The following TES variants were observed in gnomAD, a reference collection of about 807,000 sequenced individuals.
TES encodes testin LIM domain protein.
TES carries 41 observed loss-of-function variants against 48.2 expected under a neutral mutation model. The observed-to-expected ratio is 0.85, with a 90% CI of 0.66 to 1.10. TES has a LOEUF of 1.10. Among genes scored for constraint, TES ranks in the 50% least tolerant of loss-of-function variants. TES has a pLI of 0.00. For missense variants in TES, 463 were observed against 515.1 expected, an observed-to-expected ratio of 0.90 and a Z score of 0.98; for synonymous variants, 162 against 174.9, an observed-to-expected ratio of 0.93 and a Z score of 0.58.
At chr7:116,216,588 G>A (rs1187560766) in intron 1 of TES, among the ~76,000 whole-genome samples, 1 of 152,048 alleles carries the variant, frequency 6.6e-6, no homozygotes, top group Non-Finnish European at 1.5e-5. Context: ...CACAAATGAA[G>A]AACATATATG....
rs552650554 is a variant in TES, at chr7:116,219,696, A to G, written c.27+8962A>G. Among the ~76,000 whole-genome samples, 3 of 152,256 alleles carry G rather than the reference A, an allele frequency of 2.0e-5. No individual in the cohort carries two copies. In the East Asian group the frequency reaches 5.8e-4, roughly 29 times the overall value. On this transcript the variant is annotated intron_variant, in intron 1 of 6. Coordinates refer to ENST00000358204, the MANE Select transcript of TES (RefSeq NM_015641.4). Reference sequence around the variant, plus strand: ...GGGCAGGGATATGATGTTGAATACTATTACGTGGGAATGAAGGATTGGGAC... The same window carrying G: ...GGGCAGGGATATGATGTTGAATACTGTTACGTGGGAATGAAGGATTGGGAC...
At chr7:116,255,835 T>C (rs1051294456) in intron 6 of TES, among the ~76,000 whole-genome samples, 1 of 152,220 alleles carries the variant, frequency 6.6e-6, no homozygotes, top group Non-Finnish European at 1.5e-5. Flanking sequence ...CACTACACTA[T>C]GTATACATGT....
chr7:116,240,721 T>C (rs1799835290), intron 2 of TES, among the ~76,000 whole-genome samples: 1 of 152,168 alleles, frequency 6.6e-6, no homozygotes, highest in Non-Finnish European at 1.5e-5. Context: ...TTTCTTAACA[T>C]CCTATGGAGA....
rs745410923 is a variant in TES at position 116,251,766 on chromosome 7, T to C, written c.709T>C (p.Tyr237His). The change falls in exon 5 of 7, where the codon TAT becomes CAT. Residue 237 changes from tyrosine (Y) to histidine (H), a missense_variant. Tyr to His is a moderately conservative substitution (Grantham distance 83). Transcript: ENST00000358204. ...TGGATGGCTTCCCTTTCAGTCCTGCTATTGCTGCAAACTGAGTATGAAAGA... is the reference window on the plus strand; with the variant it reads ...TGGATGGCTTCCCTTTCAGTCCTGCCATTGCTGCAAACTGAGTATGAAAGA... The part of the protein sequence containing the change: ...AEHKRTQYSC[Y>H]CCKLSMKEGD... 1.2e-6 allele frequency: 2 copies of C among 1,614,016 alleles called. No homozygotes were observed. Among genetic ancestry groups the C allele is most frequent in the Non-Finnish European group, 8.5e-7 (1 of 1,179,976 alleles).
At position 116,242,469 on chromosome 7, in the gene TES, A is replaced by G. The variant is rs144855277; in HGVS notation, c.114-6551A>G. 6.5e-3 allele frequency among the ~76,000 whole-genome samples: 981 copies of G among 152,064 alleles called. 15 individuals are homozygous for G. The highest frequency in any genetic ancestry group is 0.023 in the African/African-American group (949 of 41,522). The stretch of plus-strand genomic sequence containing the variant: ...TCTTACCAAATAAAGATTTCTGACT[A>G]GTGTGCACAAGGAAAGCAATTTGCC... On this transcript the variant is annotated intron_variant, in intron 2 of 6. Coordinates refer to ENST00000358204, the MANE Select transcript of TES (RefSeq NM_015641.4).
At chr7:116,248,943 T>C in intron 2 of TES, 77 bp from the exon 3 acceptor site, 2 of 1,419,270 alleles carry the variant, frequency 1.4e-6, no homozygotes, top group South Asian at 1.5e-5. Context: ...TAAAAGTATT[T>C]TATGAACTAT....
intron 1 of TES, among the ~76,000 whole-genome samples, chr7:116,213,028 G>T (rs890119688): frequency 6.6e-6 from 1 of 152,178 alleles, no homozygotes; most frequent in African/African-American, 2.4e-5. Flanking sequence ...ACTCCAATTT[G>T]TGAGTCCCTT....
chr7:116,227,291 A>AT lies in TES; in HGVS notation c.28-7231dup, dbSNP rs754550815. Among the ~76,000 whole-genome samples the AT allele has an allele frequency of 3.1e-3, 421 of 137,384 alleles. 1 individual carries two copies. Among genetic ancestry groups the AT allele is most frequent in the African/African-American group, 7.2e-3 (269 of 37,316 alleles). 90.1% of individuals were successfully genotyped at this position (137,384 alleles called of 152,430 possible). A position where few individuals can be genotyped will look rare whatever the true frequency, so the allele number is the denominator to read the frequency against. On this transcript the variant is annotated intron_variant, in intron 1 of 6. Transcript: ENST00000358204. ...ATCACCGCGCCCGGCTATTTTTTGT[A>AT]TTTTTTTTTTTTAGTAGAAACGGGG...
chr7:116,243,888 A>G (rs530118822), intron 2 of TES: 2 of 152,286 alleles, frequency 1.3e-5, no homozygotes, highest in African/African-American at 4.8e-5. Flanking sequence ...AATTGTGGCA[A>G]AAGAGGAAGC....
rs977965366 is a variant in TES at position 116,249,279 on chromosome 7, G to T, written c.366+7G>T. The T allele has an allele frequency of 3.1e-6, 5 of 1,613,790 alleles. No homozygotes were observed. The South Asian group carries it at 3.3e-5, about 11-fold the overall frequency. Reference sequence around the variant, plus strand: ...TGTCCAGAATCAAGCATTGGTAAATGATATGGAACAGAGAGTTTCTTTATT... The same window carrying T: ...TGTCCAGAATCAAGCATTGGTAAATTATATGGAACAGAGAGTTTCTTTATT... On this transcript the variant is annotated splice_region_variant and intron_variant, in intron 3 of 6. Transcript: ENST00000358204.
intron 2 of TES, chr7:116,238,343 A>G (rs924719022): frequency 1.3e-5 from 2 of 152,194 alleles, no homozygotes; most frequent in Non-Finnish European, 2.9e-5. Flanking sequence ...CTAAAAATTA[A>G]TTATTAGGAA....
At chr7:116,246,287 C>A (rs1439150590) in intron 2 of TES, among the ~76,000 whole-genome samples, 1 of 152,204 alleles carries the variant, frequency 6.6e-6, no homozygotes, top group Non-Finnish European at 1.5e-5. Context: ...GAAGTAGTGG[C>A]AGCATCCTGT....
At chr7:116,242,669 A>G (rs1799865860) in intron 2 of TES, among the ~76,000 whole-genome samples, 1 of 152,212 alleles carries the variant, frequency 6.6e-6, no homozygotes, top group Non-Finnish European at 1.5e-5. Context: ...AATGAGATAC[A>G]TTTGGGTTTT....
At chr7:116,228,013 T>G (rs1010438172) in intron 1 of TES, among the ~76,000 whole-genome samples, 1 of 138,200 alleles carries the variant, frequency 7.2e-6, no homozygotes, top group Non-Finnish European at 1.5e-5. Context: ...TTTTTGTTTT[T>G]TTTTTTTTGT....
intron 1 of TES, among the ~76,000 whole-genome samples, chr7:116,215,694 T>C (rs1034001641): frequency 6.6e-6 from 1 of 152,170 alleles, no homozygotes; most frequent in African/African-American, 2.4e-5. Context: ...CTCTTTGTTT[T>C]GTTAAGTTTA....
chr7:116,233,828 G>A (rs1799731170), intron 1 of TES, among the ~76,000 whole-genome samples: 1 of 152,150 alleles, frequency 6.6e-6, no homozygotes, highest in African/African-American at 2.4e-5. Flanking sequence ...TTCCAAGATG[G>A]CACCTTGTTG....
intron 1 of TES, among the ~76,000 whole-genome samples, chr7:116,228,013 TTTTTTTTTG>T (rs1248370821): frequency 7.2e-6 from 1 of 138,200 alleles, no homozygotes; most frequent in East Asian, 2.5e-4. Context: ...TTTTTGTTTT[TTTTTTTTTG>T]TTTTTTTTTA....
At chr7:116,255,095 A>G (rs1165384976) in intron 6 of TES, 1 of 152,078 alleles carries the variant, frequency 6.6e-6, no homozygotes, top group Non-Finnish European at 1.5e-5. Context: ...CCTGGAAGGA[A>G]AAAACATGGC....
intron 2 of TES, among the ~76,000 whole-genome samples, chr7:116,242,685 G>GT (rs1390463958): frequency 4.6e-5 from 7 of 152,006 alleles, no homozygotes; most frequent in Non-Finnish European, 7.4e-5. Flanking sequence ...GTTTTTAGTT[G>GT]TTTTTTCTGT....
Sources: gnomAD v4.1 joint callset for allele counts (sites outside exome capture counted in the v4.1 genomes callset) on GRCh38, gnomAD v4.1.1 for gene constraint, MANE v1.5 for transcripts, NCBI Gene and HGNC (gene_info 2026-07-23, HGNC 2026-07-21) for gene names.